Variants in PEX16 observed in about 807,000 individuals in gnomAD.
PEX16 encodes the protein peroxin 16.
PEX16 carries 37 observed loss-of-function variants against 50.5 expected under a neutral mutation model. That is an observed-to-expected ratio of 0.73 (90% CI 0.56 to 0.96). The LOEUF (loss-of-function observed/expected upper bound fraction) is 0.96, where lower values mean the gene tolerates loss of function less well. Ranked by LOEUF, PEX16 falls within the 40% of genes least tolerant of loss-of-function variation. The pLI is 0.00. For missense variants in PEX16, 401 were observed against 438.3 expected, an observed-to-expected ratio of 0.91 and a Z score of 0.76; for synonymous variants, 185 against 190.3, an observed-to-expected ratio of 0.97 and a Z score of 0.23.
At chr11:45,911,064 G>C in intron 9 of PEX16, 102 bp from the exon 10 acceptor site, 1 of 810,408 alleles carries the variant, frequency 1.2e-6, no homozygotes, top group Non-Finnish European at 2.1e-6. Context: ...GCCGAATGCA[G>C]CGCATTCCAG....
chr11:45,915,426 C>A, intron 5 of PEX16, 42 bp downstream of exon 5: 2 of 1,484,790 alleles, frequency 1.3e-6, no homozygotes, highest in South Asian at 2.3e-5. Flanking sequence ...TCAAGTTAGT[C>A]CCATGGCCCA....
Position 45,910,269 on chromosome 11 carries a change from G to T in PEX16, c.996C>A (p.Phe332Leu). The T allele has an allele frequency of 1.2e-6, 2 of 1,613,776 alleles. No homozygotes were observed. The highest frequency in any genetic ancestry group is 1.7e-6 in the Non-Finnish European group (2 of 1,179,904). The change falls in exon 11 of 11, where the codon TTC becomes TTA. Residue 332 changes from phenylalanine to leucine, a missense_variant. Phe to Leu is a conservative substitution (Grantham distance 22). Coordinates refer to ENST00000378750, the MANE Select transcript of PEX16 (RefSeq NM_004813.4). Reference protein sequence around the residue: ...DYLPTWQKIYFYSWG With the variant: ...DYLPTWQKIYLYSWG ...GGGAGGTCTGTCAGCCCCAACTGTA[G>T]AAGTAGATTTTCTGCCAGGTGGGCA...
intron 5 of PEX16, 24 bp from the exon 6 acceptor site, chr11:45,914,708 A>G (rs2086815675): frequency 1.3e-6 from 2 of 1,597,874 alleles, no homozygotes; most frequent in Admixed American, 1.7e-5. Context: ...ACAGAAGGCC[A>G]TACAGTCAGA....
chr11:45,917,887 C>T (rs2086857658), upstream of PEX16: 21 of 1,091,488 alleles, frequency 1.9e-5, no homozygotes, highest in Non-Finnish European at 2.8e-5. Flanking sequence ...CGCCCTCCTT[C>T]CTGCTTCCGG....
Position 45,910,021 on chromosome 11 carries a change from A to G in PEX16, c.*233T>C. On this transcript the variant is annotated 3_prime_UTR_variant, in exon 11 of 11. Coordinates refer to ENST00000378750, the MANE Select transcript of PEX16 (RefSeq NM_004813.4). ...GGAGAGGAGCCTGGATCCCACTCCTAGTGAAGGCTTCTTGGCCCAGCAGTG... is the reference window on the plus strand; with the variant it reads ...GGAGAGGAGCCTGGATCCCACTCCTGGTGAAGGCTTCTTGGCCCAGCAGTG... 7.2e-7 allele frequency: 1 copy of G among 1,386,296 alleles called. No homozygotes were observed. Among genetic ancestry groups the G allele is most frequent in the East Asian group, 2.3e-5 (1 of 43,802 alleles). The allele number at this position is 1,386,296 out of a possible 1,614,324, so 85.9% of individuals were successfully genotyped here.
At chr11:45,918,108 G>A, upstream of PEX16, 1 of 496,440 alleles carries the variant, frequency 2.0e-6, no homozygotes, top group Non-Finnish European at 3.7e-6. Flanking sequence ...TCAGCACCCA[G>A]CTCTTCCGTT....
chr11:45,917,876 G>T lies in PEX16; in HGVS notation c.-65C>A. Reference sequence around the variant, plus strand: ...GACAGGCTGCGGCGCCCTGCTTCCTGCGCCCTCCTTCCTGCTTCCGGTCTT... The same window carrying T: ...GACAGGCTGCGGCGCCCTGCTTCCTTCGCCCTCCTTCCTGCTTCCGGTCTT... On this transcript the variant is annotated 5_prime_UTR_variant, in exon 1 of 11. Coordinates refer to ENST00000378750, the MANE Select transcript of PEX16 (RefSeq NM_004813.4). 1 of 1,181,396 alleles carries T rather than the reference G, an allele frequency of 8.5e-7. No individual in the cohort carries two copies. The highest frequency in any genetic ancestry group is 1.2e-6 in the Non-Finnish European group (1 of 824,278). 73.2% of individuals were successfully genotyped at this position (1,181,396 alleles called of 1,614,324 possible). A position where few individuals can be genotyped will look rare whatever the true frequency, so the allele number is the denominator to read the frequency against.
intron 2 of PEX16, among the ~76,000 whole-genome samples, chr11:45,916,559 T>C (rs1396366211): frequency 3.3e-5 from 5 of 152,210 alleles, no homozygotes; most frequent in Admixed American, 2.0e-4. Flanking sequence ...ATGGCACTGG[T>C]CATCCAGCTG....
intron 8 of PEX16, 28 bp downstream of exon 8, chr11:45,914,103 G>A (rs1465208727): frequency 6.3e-7 from 1 of 1,584,106 alleles, no homozygotes. Flanking sequence ...CCAGTGGAGA[G>A]TGAAGCCCCA....
chr11:45,912,732 G>A (rs1024880806), intron 9 of PEX16, among the ~76,000 whole-genome samples: 2 of 152,002 alleles, frequency 1.3e-5, no homozygotes, highest in South Asian at 2.1e-4. Flanking sequence ...TCTACCTCCC[G>A]ACCTTGTGAT....
intron 8 of PEX16, 38 bp downstream of exon 8, chr11:45,914,093 C>G (rs755087753): frequency 6.3e-7 from 1 of 1,579,796 alleles, no homozygotes; most frequent in South Asian, 1.1e-5. Flanking sequence ...AGCAGAAAGC[C>G]CAGTGGAGAG....
At chr11:45,916,155 G>T in intron 3 of PEX16, 72 bp downstream of exon 3, 1 of 1,099,164 alleles carries the variant, frequency 9.1e-7, no homozygotes. Flanking sequence ...TGTGCTGCAC[G>T]CATGGGCTAG....
rs975471447 is a variant in PEX16, at chr11:45,915,736, C to T, written c.326G>A (p.Arg109His). 1.2e-6 allele frequency: 2 copies of T among 1,613,928 alleles called. No homozygotes were observed. The highest frequency in any genetic ancestry group is 1.3e-5 in the African/African-American group (1 of 74,900). The change falls in exon 4 of 11, where the codon CGC (arginine) becomes CAC (histidine). Residue 109 changes from arginine to histidine, a missense_variant. Transcript: ENST00000378750. ...GAAKVWGEVGRWLVIALVQLA... is the reference protein window; with the variant it reads ...GAAKVWGEVGHWLVIALVQLA... ...CTGGACGAGGGCGATGACAAGCCAGCGGCCCACTTCACCCCACACCTTGGC... is the reference window on the plus strand; with the variant it reads ...CTGGACGAGGGCGATGACAAGCCAGTGGCCCACTTCACCCCACACCTTGGC...
Position 45,915,775 on chromosome 11 carries a change from A to G in PEX16, c.287T>C (p.Met96Thr), listed in dbSNP as rs1426191993. The change falls in exon 4 of 11, where the codon ATG (methionine) becomes ACG (threonine). Residue 96 changes from methionine (M) to threonine (T), a missense_variant. Coordinates refer to ENST00000378750, the MANE Select transcript of PEX16 (RefSeq NM_004813.4). ...CCACACCTTGGCAGCTCCCATCTCC[A>G]TGAACACCTCCACGCACTCCAGCAC... The part of the protein sequence containing the change: ...LSVLECVEVF[M>T]EMGAAKVWGE... The G allele has an allele frequency of 6.2e-7, 1 of 1,613,870 alleles. No individual in the cohort carries two copies.
At chr11:45,912,990 T>C (rs1362277415) in intron 9 of PEX16, among the ~76,000 whole-genome samples, 5 of 48,842 alleles carry the variant, frequency 1.0e-4, no homozygotes, top group Non-Finnish European at 5.3e-4. Context: ...GTCTGGCTAA[T>C]TATTATTATT....
In PEX16 at chr11:45,910,101, T is replaced by TGGGAGGAACGCTGGTGGCGACCA; in HGVS notation, c.*130_*152dup. On this transcript the variant is annotated 3_prime_UTR_variant, in exon 11 of 11. Coordinates refer to ENST00000378750, the MANE Select transcript of PEX16 (RefSeq NM_004813.4). ...CAGGAGAGCGCAGTCAAGGGTGTCC[T>TGGGAGGAACGCTGGTGGCGACCA]GGGAGGAACGCTGGTGGCGACCAGG... is the stretch of plus-strand genomic sequence containing the variant. 6.2e-7 allele frequency: 1 copy of TGGGAGGAACGCTGGTGGCGACCA among 1,611,492 alleles called. No homozygotes were observed.
At chr11:45,917,639 G>C in intron 1 of PEX16, 61 bp downstream of exon 1, 1 of 1,476,796 alleles carries the variant, frequency 6.8e-7, no homozygotes. Context: ...CCGCAGGGAA[G>C]GGGGCCACTG....
chr11:45,913,951 G>C lies in PEX16; in HGVS notation c.768-13C>G. 2 of 1,611,710 alleles carry C rather than the reference G, an allele frequency of 1.2e-6. No homozygotes were observed. The highest frequency in any genetic ancestry group is 1.7e-6 in the Non-Finnish European group (2 of 1,179,940). On this transcript the variant is annotated splice_polypyrimidine_tract_variant and intron_variant, in intron 8 of 10. Transcript: ENST00000378750. ...CAGGAGGCTCAGGCTGGGAGGCAGG[G>C]AGGACATGGTCAGGGCCAGGGGCAT...
At chr11:45,912,573 G>A (rs1435822002) in intron 9 of PEX16, among the ~76,000 whole-genome samples, 3 of 152,046 alleles carry the variant, frequency 2.0e-5, no homozygotes, top group South Asian at 2.1e-4. Context: ...GCGCGATCTC[G>A]ACTCACTGCA....
Sources: gnomAD v4.1 joint callset for allele counts (sites outside exome capture counted in the v4.1 genomes callset) on GRCh38, gnomAD v4.1.1 for gene constraint, MANE v1.5 for transcripts, NCBI Gene and HGNC (gene_info 2026-07-23, HGNC 2026-07-21) for gene names.